Variants in MPPE1 observed in about 807,000 individuals in gnomAD.
The protein encoded by MPPE1 is metallo phosphoesterase.
A neutral mutation model predicts 43.8 loss-of-function variants in MPPE1; 28 were observed. The observed-to-expected ratio is 0.64, with a 90% CI of 0.47 to 0.88. The LOEUF (loss-of-function observed/expected upper bound fraction) is 0.88, where lower values mean the gene tolerates loss of function less well. Among genes scored for constraint, MPPE1 ranks in the 40% least tolerant of loss-of-function variants. MPPE1 has a pLI of 0.00. For missense variants in MPPE1, 428 were observed against 492.2 expected, an observed-to-expected ratio of 0.87 and a Z score of 1.23; for synonymous variants, 159 against 188.5, an observed-to-expected ratio of 0.84 and a Z score of 1.28.
chr18:11,897,132 CTAAG>C lies in MPPE1; in HGVS notation c.129_132del (p.Tyr43Ter), dbSNP rs1236633633. The C allele has an allele frequency of 7.0e-7, 1 of 1,438,562 alleles. No homozygotes were observed. The highest frequency in any genetic ancestry group is 9.7e-7 in the Non-Finnish European group (1 of 1,033,604). 89.1% of individuals were successfully genotyped at this position (1,438,562 alleles called of 1,614,324 possible). A position where few individuals can be genotyped will look rare whatever the true frequency, so the allele number is the denominator to read the frequency against. ...TCAGGCCAATTACACTGAAAGATCG[CTAAG>C]TAATAGATTAAAAATTCACAAAATA... On this transcript the variant is annotated frameshift_variant, in exon 3 of 11. Transcript: ENST00000588072. LOFTEE classifies it high-confidence loss of function.
At chr18:11,887,914 T>C (rs2037521079) in intron 6 of MPPE1, among the ~76,000 whole-genome samples, 1 of 152,198 alleles carries the variant, frequency 6.6e-6, no homozygotes, top group Non-Finnish European at 1.5e-5. Context: ...TGAGCATTGG[T>C]GGTGAAGCCA....
chr18:11,904,494 T>A (rs762118901), intron 2 of MPPE1, among the ~76,000 whole-genome samples: 1 of 152,060 alleles, frequency 6.6e-6, no homozygotes, highest in Non-Finnish European at 1.5e-5. Context: ...AATTTTTGCA[T>A]TTTTTGTAGA....
Position 11,897,058 on chromosome 18 carries a change from C to T in MPPE1, c.207G>A (p.Val69=), listed in dbSNP as rs2038683891. 2 of 1,533,294 alleles carry T rather than the reference C, an allele frequency of 1.3e-6. No homozygotes were observed. Among genetic ancestry groups the T allele is most frequent in the South Asian group, 1.3e-5 (1 of 79,958 alleles). The allele number at this position is 1,533,294 out of a possible 1,614,324, so 95.0% of individuals were successfully genotyped here. Residue 69 remains valine, a synonymous_variant, in exon 3 of 11, where the codon GTG becomes GTA. Transcript: ENST00000588072. ...TGTCAGCCAAAAACATGGCTTTGAG[C>T]ACAGGCTCACGTGTGGTCTGTTCAC... The part of the protein sequence containing the change: ...SDGEQTTREP[V]LKAMFLADTH...
rs370749082 is a variant in MPPE1, at chr18:11,886,813, C to T, written c.679-35G>A. 65 of 1,605,098 alleles carry T rather than the reference C, an allele frequency of 4.0e-5. No individual in the cohort carries two copies. Among genetic ancestry groups the T allele is most frequent in the Non-Finnish European group, 4.8e-5 (56 of 1,174,466 alleles). ...ACAAGTCAGGCCATTAATCCGCACA[C>T]CTGACCCTCATCAAAGGGCAAGAAG... On this transcript the variant is annotated intron_variant, in intron 7 of 10. Transcript: ENST00000588072. This position sits in a 1 kb window ranked among gnomAD's most constrained non-coding sequence, Gnocchi z 4.1.
intron 2 of MPPE1, among the ~76,000 whole-genome samples, chr18:11,903,356 C>T (rs1050811827): frequency 2.0e-5 from 3 of 152,120 alleles, no homozygotes; most frequent in African/African-American, 7.2e-5. Flanking sequence ...GATGGGCATG[C>T]GTACAACTTC....
chr18:11,887,143 T>G, intron 6 of MPPE1, 118 bp from the exon 7 acceptor site: 1 of 647,010 alleles, frequency 1.5e-6, no homozygotes, highest in Non-Finnish European at 2.6e-6. Flanking sequence ...CAGAGCAGCT[T>G]TCAATCCCAC....
intron 1 of MPPE1, among the ~76,000 whole-genome samples, chr18:11,907,439 G>A (rs1028643083): frequency 2.0e-4 from 31 of 152,096 alleles, no homozygotes; most frequent in Admixed American, 2.0e-3. Flanking sequence ...CCTTGCGTAC[G>A]CGTTCTCAGG....
At chr18:11,892,355 G>T in intron 4 of MPPE1, among the ~76,000 whole-genome samples, 1 of 93,500 alleles carries the variant, frequency 1.1e-5, no homozygotes, top group East Asian at 3.2e-4. Context: ...GCACCAAAAA[G>T]AAAAAAAAAA....
intron 10 of MPPE1, chr18:11,885,384 AT>A (rs2037047123): frequency 2.6e-6 from 1 of 378,518 alleles, no homozygotes; most frequent in East Asian, 5.4e-5. Flanking sequence ...TCTTTAGAAA[AT>A]TAAACACACA....
chr18:11,885,555 G>A (rs1405895521), intron 10 of MPPE1, 121 bp downstream of exon 10: 3 of 1,218,096 alleles, frequency 2.5e-6, no homozygotes, highest in Non-Finnish European at 3.5e-6. Context: ...ACGTGTAGAA[G>A]GAGAGAAATT....
chr18:11,887,187 C>G (rs961617265), intron 6 of MPPE1, among the ~76,000 whole-genome samples, 162 bp from the exon 7 acceptor site: 2 of 152,138 alleles, frequency 1.3e-5, no homozygotes, highest in African/African-American at 2.4e-5. Context: ...AAATATGAGT[C>G]AATATTAACA....
intron 2 of MPPE1, among the ~76,000 whole-genome samples, chr18:11,901,995 C>G (rs1350154177): frequency 6.6e-6 from 1 of 152,232 alleles, no homozygotes; most frequent in Non-Finnish European, 1.5e-5. Flanking sequence ...ATCAGCTGGT[C>G]AAGCTGTACT....
At chr18:11,896,534 C>A (rs2038634298) in intron 3 of MPPE1, among the ~76,000 whole-genome samples, 2 of 152,200 alleles carry the variant, frequency 1.3e-5, no homozygotes, top group Non-Finnish European at 2.9e-5. Flanking sequence ...TCCTCTGCTG[C>A]CTAGAGGAGG....
chr18:11,887,193 T>C (rs1016009131), intron 6 of MPPE1, among the ~76,000 whole-genome samples, 168 bp from the exon 7 acceptor site: 1 of 152,152 alleles, frequency 6.6e-6, no homozygotes, highest in Non-Finnish European at 1.5e-5. Context: ...GAGTCAATAT[T>C]AACAAAAATA....
At chr18:11,884,672 G>GT in intron 10 of MPPE1, 45 bp from the exon 11 acceptor site, 1 of 1,571,702 alleles carries the variant, frequency 6.4e-7, no homozygotes, top group East Asian at 2.2e-5. Context: ...CCAGGCACAC[G>GT]TTGAACACCG....
intron 4 of MPPE1, among the ~76,000 whole-genome samples, chr18:11,890,046 C>G (rs937391207): frequency 1.3e-5 from 2 of 150,514 alleles, no homozygotes; most frequent in Non-Finnish European, 3.0e-5. Flanking sequence ...GGGTTCACGC[C>G]ATTCTCCTGC....
At chr18:11,889,626 G>GCT in intron 4 of MPPE1, 136 bp from the exon 5 acceptor site, 1 of 563,692 alleles carries the variant, frequency 1.8e-6, no homozygotes. Flanking sequence ...GCAGTGGTGC[G>GCT]ATCTCTGCTC....
intron 4 of MPPE1, among the ~76,000 whole-genome samples, chr18:11,892,386 A>C (rs915801038): frequency 6.7e-6 from 1 of 148,334 alleles, no homozygotes; most frequent in African/African-American, 2.5e-5. Context: ...AAGAAAAAGA[A>C]AGGGCAGGCA....
At position 11,889,389 on chromosome 18, in the gene MPPE1, A is replaced by T; in HGVS notation, c.492T>A (p.Tyr164Ter). Residue 164 changes from tyrosine to a stop codon, truncating the protein, a stop_gained and splice_region_variant, in exon 5 of 11, where the codon TAT becomes TAA. Transcript: ENST00000588072. LOFTEE classifies it high-confidence loss of function. ...CAGGGCTTTTGTGAACTACTTACTC[A>T]TAATGGAAGCCAATGTCATGGTTTC... ...VAGNHDIGFH[Y>*]EMNTYKVERF... The T allele has an allele frequency of 1.2e-6, 2 of 1,604,774 alleles. No individual in the cohort carries two copies.
Sources: gnomAD v4.1 joint callset for allele counts (sites outside exome capture counted in the v4.1 genomes callset) on GRCh38, gnomAD v4.1.1 for gene constraint, Gnocchi (gnomAD v3.1) non-coding constraint, MANE v1.5 for transcripts, NCBI Gene and HGNC (gene_info 2026-07-23, HGNC 2026-07-21) for gene names.